LYPLAL1: variants seen among roughly 807,000 people sequenced by gnomAD.
The protein encoded by LYPLAL1 is lysophospholipase like 1.
LYPLAL1 carries 23 observed loss-of-function variants against 19.7 expected under a neutral mutation model. The observed-to-expected ratio is 1.17, with a 90% CI of 0.84 to 1.65. The LOEUF (loss-of-function observed/expected upper bound fraction) is 1.65. LYPLAL1 is among the 40% of genes most tolerant of loss of function. LYPLAL1 has a pLI of 0.00. For missense variants in LYPLAL1, 355 were observed against 279.4 expected (o/e 1.27, Z -1.93); for synonymous variants, 119 against 96.3 (o/e 1.24, Z -1.38).
At chr1:219,245,514 T>A in the LYPLAL1 span, among the ~76,000 whole-genome samples, 1 of 152,200 alleles carries the variant, frequency 6.6e-6, no homozygotes, top group African/African-American at 2.4e-5. Flanking sequence ...AGTTTCAGAT[T>A]TAAATGATTG....
At chr1:219,190,234 A>G (rs1657044876) in intron 2 of LYPLAL1, among the ~76,000 whole-genome samples, 2 of 151,606 alleles carry the variant, frequency 1.3e-5, no homozygotes, top group South Asian at 2.1e-4. Context: ...CATTATATAT[A>G]GCATATGTCT....
the LYPLAL1 span, among the ~76,000 whole-genome samples, chr1:219,411,090 C>T: frequency 6.6e-6 from 1 of 152,224 alleles, no homozygotes; most frequent in Non-Finnish European, 1.5e-5. Context: ...GTGCCGGATC[C>T]ACTAGGTGAA....
the LYPLAL1 span, among the ~76,000 whole-genome samples, chr1:219,387,879 T>C: frequency 6.6e-6 from 1 of 152,234 alleles, no homozygotes; most frequent in Non-Finnish European, 1.5e-5. Context: ...CCAGAAGTAT[T>C]TGGTATTTAC....
the LYPLAL1 span, among the ~76,000 whole-genome samples, chr1:219,390,665 C>T: frequency 6.6e-6 from 1 of 152,216 alleles, no homozygotes; most frequent in African/African-American, 2.4e-5. Context: ...ATTTACATCT[C>T]TGCATATTTC....
chr1:219,427,694 C>A, the LYPLAL1 span, among the ~76,000 whole-genome samples: 1 of 152,180 alleles, frequency 6.6e-6, no homozygotes, highest in Non-Finnish European at 1.5e-5. Context: ...GATTGTTTCT[C>A]CTCTGAGATG....
At chr1:219,283,002 G>C in the LYPLAL1 span, among the ~76,000 whole-genome samples, 2 of 151,952 alleles carry the variant, frequency 1.3e-5, no homozygotes, top group Non-Finnish European at 2.9e-5. Flanking sequence ...AGAGAAGTGG[G>C]GGCTGAAGAG....
chr1:219,401,060 T>G, the LYPLAL1 span, among the ~76,000 whole-genome samples: 5 of 152,170 alleles, frequency 3.3e-5, no homozygotes, highest in African/African-American at 1.2e-4. Flanking sequence ...TATAAATCAA[T>G]ATTACATTTT....
the LYPLAL1 span, among the ~76,000 whole-genome samples, chr1:219,424,584 A>T: frequency 2.0e-5 from 3 of 152,130 alleles, no homozygotes; most frequent in Non-Finnish European, 4.4e-5. Context: ...ATCTTCCCTC[A>T]TTTCTCCATC....
At chr1:219,412,116 T>G in the LYPLAL1 span, among the ~76,000 whole-genome samples, 2 of 152,176 alleles carry the variant, frequency 1.3e-5, no homozygotes, top group Non-Finnish European at 2.9e-5. Flanking sequence ...TGGCACCTTC[T>G]TATCTCACCG....
chr1:219,327,727 G>T, the LYPLAL1 span, among the ~76,000 whole-genome samples: 1 of 152,138 alleles, frequency 6.6e-6, no homozygotes, highest in African/African-American at 2.4e-5. Context: ...AATGGGGTCA[G>T]TTTTCCCCAT....
At chr1:219,445,068 TAA>T in the LYPLAL1 span, among the ~76,000 whole-genome samples, 1 of 143,122 alleles carries the variant, frequency 7.0e-6, no homozygotes. Flanking sequence ...ATCCTGTGAA[TAA>T]AAAAAAAAAA....
the LYPLAL1 span, among the ~76,000 whole-genome samples, chr1:219,414,660 T>C: frequency 6.6e-6 from 1 of 152,376 alleles, no homozygotes; most frequent in East Asian, 1.9e-4. Flanking sequence ...TTAATACATG[T>C]ACTGACTAGG....
chr1:219,229,610 C>T, the LYPLAL1 span, among the ~76,000 whole-genome samples: 1 of 152,182 alleles, frequency 6.6e-6, no homozygotes, highest in Non-Finnish European at 1.5e-5. Flanking sequence ...TAACACAGGC[C>T]GCCTATAGAT....
At chr1:219,309,549 G>A in the LYPLAL1 span, among the ~76,000 whole-genome samples, 1 of 152,106 alleles carries the variant, frequency 6.6e-6, no homozygotes, top group African/African-American at 2.4e-5. Context: ...GGAACCCGGG[G>A]GAGAAAATTT....
chr1:219,264,445 A>G, the LYPLAL1 span, among the ~76,000 whole-genome samples: 1 of 152,342 alleles, frequency 6.6e-6, no homozygotes, highest in Middle Eastern at 3.4e-3. Flanking sequence ...TGCAAAGCCA[A>G]ACATGAAGAA....
At chr1:219,281,139 C>T in the LYPLAL1 span, among the ~76,000 whole-genome samples, 1 of 152,170 alleles carries the variant, frequency 6.6e-6, no homozygotes, top group African/African-American at 2.4e-5. Context: ...GATGACATTC[C>T]ATTATGTTCC....
At chr1:219,305,771 G>A in the LYPLAL1 span, among the ~76,000 whole-genome samples, 1,033 of 152,284 alleles carry the variant, frequency 6.8e-3, 6 homozygotes, top group Non-Finnish European at 0.012. Context: ...TGATTCCTCT[G>A]CTGAGAGAAA....
the LYPLAL1 span, among the ~76,000 whole-genome samples, chr1:219,395,345 T>C: frequency 2.0e-5 from 3 of 152,214 alleles, no homozygotes; most frequent in African/African-American, 7.2e-5. Flanking sequence ...TATCTTATTG[T>C]GGTTTTGATT....
the LYPLAL1 span, among the ~76,000 whole-genome samples, chr1:219,291,023 T>C: frequency 6.6e-6 from 1 of 152,190 alleles, no homozygotes; most frequent in African/African-American, 2.4e-5. Context: ...GTCAGTTCTC[T>C]TGTTTGTAAT....
Sources: allele counts gnomAD v4.1 joint callset (sites outside exome capture counted in the v4.1 genomes callset), GRCh38; gene constraint gnomAD v4.1.1; transcripts MANE v1.5; gene names NCBI Gene and HGNC (gene_info 2026-07-23, HGNC 2026-07-21).